Variants in NOL11 observed in about 807,000 individuals in gnomAD.
NOL11 encodes the protein nucleolar protein 11.
In NOL11, 42 loss-of-function variants were observed where a neutral mutation model predicts 93.0. The ratio of observed to expected loss-of-function variants is 0.45; its 90% CI spans 0.35 to 0.58. The LOEUF is 0.58. NOL11 is among the 20% of genes least tolerant of loss of function. The pLI is 0.00. For synonymous variants in NOL11, 296 were observed against 293.7 expected, an observed-to-expected ratio of 1.01 and a Z score of -0.08; for missense variants, 775 against 841.8, an observed-to-expected ratio of 0.92 and a Z score of 0.98.
chr17:67,742,699 C>G (rs1471065879), intron 16 of NOL11, among the ~76,000 whole-genome samples: 1 of 152,106 alleles, frequency 6.6e-6, no homozygotes, highest in Non-Finnish European at 1.5e-5. Flanking sequence ...ATCAGCTCCC[C>G]CTCCCAAATG....
chr17:67,728,920 T>C (rs2055124887), intron 7 of NOL11, among the ~76,000 whole-genome samples: 1 of 152,234 alleles, frequency 6.6e-6, no homozygotes, highest in Non-Finnish European at 1.5e-5. Flanking sequence ...TCATATAACA[T>C]AAAATTAATC....
intron 5 of NOL11, among the ~76,000 whole-genome samples, chr17:67,723,716 A>AG (rs1477868862): frequency 6.6e-6 from 1 of 151,280 alleles, no homozygotes; most frequent in African/African-American, 2.4e-5. Flanking sequence ...TTTAAATTTA[A>AG]GGCTGGGTGT....
chr17:67,728,286 ATAAC>A (rs1188041193), intron 7 of NOL11, among the ~76,000 whole-genome samples: 2 of 151,832 alleles, frequency 1.3e-5, no homozygotes, highest in Non-Finnish European at 2.9e-5. Context: ...AATAAATAAA[ATAAC>A]TACCATGTGC....
At chr17:67,721,249 TA>T (rs2043215869) in intron 3 of NOL11, 128 bp from the exon 4 acceptor site, 1 of 594,274 alleles carries the variant, frequency 1.7e-6, no homozygotes. Flanking sequence ...GAACCATACA[TA>T]ATTATAAAGC....
At chr17:67,737,176 C>T (rs971818318) in intron 11 of NOL11, 31 bp downstream of exon 11, 2 of 1,346,320 alleles carry the variant, frequency 1.5e-6, no homozygotes, top group Non-Finnish European at 2.1e-6. Context: ...TATGAAAAAT[C>T]AAACTCAAGT....
At chr17:67,718,393 T>C (rs2043192210) in intron 1 of NOL11, among the ~76,000 whole-genome samples, 1 of 152,110 alleles carries the variant, frequency 6.6e-6, no homozygotes, top group South Asian at 2.1e-4. Context: ...GATTCCCTCC[T>C]AGGGTCTTTA....
At position 67,717,989 on chromosome 17, in the gene NOL11, C is replaced by T. The variant is rs1194598112; in HGVS notation, c.42C>T (p.Val14=). Residue 14 remains valine (V), a synonymous_variant, in exon 1 of 18, where the codon GTC becomes GTT. Transcript: ENST00000253247. The stretch of plus-strand genomic sequence containing the variant: ...AAGAATTCACGTTGTCTTCGGTAGT[C>T]CTGAGCGCCGGGCCTGAAGGACTCC... ...LEEEFTLSSV[V]LSAGPEGLLG... The T allele has an allele frequency of 3.7e-6, 6 of 1,614,234 alleles. No homozygotes were observed. Among genetic ancestry groups the T allele is most frequent in the Non-Finnish European group, 5.1e-6 (6 of 1,180,046 alleles).
intron 7 of NOL11, among the ~76,000 whole-genome samples, chr17:67,727,656 T>C (rs1265022922): frequency 6.8e-6 from 1 of 146,430 alleles, no homozygotes; most frequent in Non-Finnish European, 1.5e-5. Context: ...AAACTCCGTC[T>C]CAAAAAAAAA....
At chr17:67,723,813 G>A (rs2055060090) in intron 5 of NOL11, among the ~76,000 whole-genome samples, 2 of 152,132 alleles carry the variant, frequency 1.3e-5, no homozygotes, top group South Asian at 4.2e-4. Context: ...GGCCGAGGTG[G>A]GAGGATTGCT....
chr17:67,722,568 C>CT lies in NOL11; in HGVS notation c.462-5dup. 1.3e-6 allele frequency: 2 copies of CT among 1,555,102 alleles called. No individual in the cohort carries two copies. The highest frequency in any genetic ancestry group is 2.2e-5 in the Admixed American group (1 of 45,302). ...TTGCATCCTATAATTTTTCTTTTTT[C>CT]TTTTTTTGTAGATGGACAAAGTTTT... On this transcript the variant is annotated splice_polypyrimidine_tract_variant and intron_variant, in intron 4 of 17. Transcript: ENST00000253247.
At chr17:67,728,444 G>A (rs924881727) in intron 7 of NOL11, among the ~76,000 whole-genome samples, 9 of 152,054 alleles carry the variant, frequency 5.9e-5, no homozygotes, top group Non-Finnish European at 1.0e-4. Context: ...GATTCAACCC[G>A]AACAGGTGAA....
intron 3 of NOL11, chr17:67,720,236 T>G (rs1037244247): frequency 2.0e-5 from 5 of 249,536 alleles, no homozygotes; most frequent in African/African-American, 9.0e-5. Flanking sequence ...CAAAATGAAC[T>G]TCTGTGCCCT....
intron 16 of NOL11, among the ~76,000 whole-genome samples, chr17:67,739,915 A>G (rs1043660504): frequency 2.0e-5 from 3 of 152,194 alleles, no homozygotes; most frequent in Non-Finnish European, 4.4e-5. Flanking sequence ...CTGATAATAT[A>G]GGTTGCCCCC....
chr17:67,739,322 C>T (rs574903147), intron 15 of NOL11, among the ~76,000 whole-genome samples, 194 bp from the exon 16 acceptor site: 124 of 152,270 alleles, frequency 8.1e-4, no homozygotes, highest in Middle Eastern at 3.4e-3. Flanking sequence ...AGCTTATCAC[C>T]ACCACTACCC....
intron 14 of NOL11, 100 bp from the exon 15 acceptor site, chr17:67,738,832 T>G: frequency 1.4e-6 from 1 of 732,426 alleles, no homozygotes; most frequent in East Asian, 2.5e-5. Flanking sequence ...TGTAAAACTT[T>G]TGTATAAATT....
At chr17:67,727,813 A>G (rs967660166) in intron 7 of NOL11, among the ~76,000 whole-genome samples, 2 of 151,708 alleles carry the variant, frequency 1.3e-5, no homozygotes, top group Non-Finnish European at 2.9e-5. Flanking sequence ...CAAAAATACA[A>G]AAAATCACCT....
intron 7 of NOL11, among the ~76,000 whole-genome samples, chr17:67,733,950 T>G (rs1007188076): frequency 1.6e-4 from 24 of 152,142 alleles, no homozygotes; most frequent in African/African-American, 5.3e-4. Context: ...GCTCTGTAGT[T>G]TTTTTGTGTG....
chr17:67,741,827 G>A (rs895658842), intron 16 of NOL11, among the ~76,000 whole-genome samples: 1 of 152,164 alleles, frequency 6.6e-6, no homozygotes, highest in Non-Finnish European at 1.5e-5. Flanking sequence ...GCCTCCTAAG[G>A]TGCTGGGATG....
chr17:67,737,363 A>G lies in NOL11; in HGVS notation c.1219-145A>G, dbSNP rs1357595616. 38 of 749,920 alleles carry G rather than the reference A, an allele frequency of 5.1e-5. 1 individual carries two copies. The highest frequency in any genetic ancestry group is 5.6e-5 in the Non-Finnish European group (26 of 461,978). 46.5% of individuals were successfully genotyped at this position (749,920 alleles called of 1,614,324 possible). Reference sequence around the variant, plus strand: ...ATGGTGTTGGTCTTATCTCTTTCTCATTTAACTTTGCAGTGTCAGCTTCAG... The same window carrying G: ...ATGGTGTTGGTCTTATCTCTTTCTCGTTTAACTTTGCAGTGTCAGCTTCAG... On this transcript the variant is annotated intron_variant, in intron 11 of 17. Coordinates refer to ENST00000253247, the MANE Select transcript of NOL11 (RefSeq NM_015462.5).
Sources: allele counts gnomAD v4.1 joint callset (sites outside exome capture counted in the v4.1 genomes callset), GRCh38; gene constraint gnomAD v4.1.1; transcripts MANE v1.5; gene names NCBI Gene and HGNC (gene_info 2026-07-23, HGNC 2026-07-21).